The following SRCAP variants were observed in gnomAD, a reference collection of about 807,000 sequenced individuals.
SRCAP encodes chromatin remodeling protein SRCAP.
Under a neutral mutation model 263.1 loss-of-function variants are expected in SRCAP, and 46 were observed. The ratio of observed to expected loss-of-function variants is 0.17; its 90% confidence interval spans 0.14 to 0.22. The LOEUF (loss-of-function observed/expected upper bound fraction) is 0.22, where lower values mean the gene tolerates loss of function less well. SRCAP is among the 10% of genes least tolerant of loss of function. SRCAP has a pLI of 1.00. For missense variants in SRCAP, 3,695 were observed against 4,181.9 expected (o/e 0.88, Z 3.21); for synonymous variants, 1,813 against 1,662.1 (o/e 1.09, Z -2.21).
Position 30,711,751 on chromosome 16 carries a change from A to G in SRCAP, c.1492+7A>G, listed in dbSNP as rs2052894937. ...GATAGTAGCAGTCAGTCAGGTGAATATGTGGTCATGAAGCAGGAGCTGGGG... is the reference window on the plus strand; with the variant it reads ...GATAGTAGCAGTCAGTCAGGTGAATGTGTGGTCATGAAGCAGGAGCTGGGG... On this transcript the variant is annotated splice_region_variant and intron_variant, in intron 11 of 33. Transcript: ENST00000262518. The G allele has an allele frequency of 1.2e-6, 2 of 1,611,548 alleles. No individual in the cohort carries two copies. The highest frequency in any genetic ancestry group is 1.3e-5 in the African/African-American group (1 of 74,830).
chr16:30,717,967 C>T (rs1489286728), intron 18 of SRCAP, among the ~76,000 whole-genome samples: 1 of 150,212 alleles, frequency 6.7e-6, no homozygotes, highest in Admixed American at 6.6e-5. Context: ...CCATGTCGCT[C>T]AGGCTGGTTT....
At position 30,722,761 on chromosome 16, in the gene SRCAP, G is replaced by T. The variant is rs756628026; in HGVS notation, c.3892+13G>T. 1.2e-6 allele frequency: 2 copies of T among 1,603,232 alleles called. No individual in the cohort carries two copies. Among genetic ancestry groups the T allele is most frequent in the African/African-American group, 2.7e-5 (2 of 74,810 alleles). ...GCTGCTAACCAGGGTGAGGCTCCTG[G>T]CCTTCCTACTTAGCCCTTGCTGGCC... On this transcript the variant is annotated intron_variant, in intron 23 of 33. Coordinates refer to ENST00000262518, the MANE Select transcript of SRCAP (RefSeq NM_006662.3).
At chr16:30,730,084 G>A (rs775663662) in intron 27 of SRCAP, among the ~76,000 whole-genome samples, 7 of 152,148 alleles carry the variant, frequency 4.6e-5, no homozygotes, top group Non-Finnish European at 1.0e-4. Flanking sequence ...TGACTTTCAT[G>A]AAAGTTGAAA....
At position 30,711,649 on chromosome 16, in the gene SRCAP, A is replaced by G. The variant is rs765592725; in HGVS notation, c.1397A>G (p.Asp466Gly). ...GGCTCTGGGAGCAGTGAAGATGAGG[A>G]TGAAGATGAGGTTGATGCTAATAGC... ...APGSGSSEDEDEDEVDANSSD... is the reference protein window; with the variant it reads ...APGSGSSEDEGEDEVDANSSD... The change falls in exon 11 of 34, where the codon GAT (aspartate) becomes GGT (glycine). Residue 466 changes from aspartate to glycine, a missense_variant. By Grantham distance (94) the Asp-to-Gly change is moderately conservative (BLOSUM62 -1). Transcript: ENST00000262518. 1.2e-6 allele frequency: 2 copies of G among 1,614,058 alleles called. No homozygotes were observed. Among genetic ancestry groups the G allele is most frequent in the Admixed American group, 1.7e-5 (1 of 59,998 alleles).
At chr16:30,723,376 G>T in intron 24 of SRCAP, 147 bp downstream of exon 24, 2 of 1,427,692 alleles carry the variant, frequency 1.4e-6, no homozygotes, top group Non-Finnish European at 1.9e-6. Flanking sequence ...GGCTGCCTGA[G>T]CCCTGACCTA....
intron 25 of SRCAP, among the ~76,000 whole-genome samples, chr16:30,728,607 C>T (rs1225735875): frequency 6.6e-6 from 1 of 152,108 alleles, no homozygotes; most frequent in African/African-American, 2.4e-5. Flanking sequence ...TTGAGTGTTA[C>T]GTAGGAAAAT....
intron 21 of SRCAP, 82 bp downstream of exon 21, chr16:30,721,558 T>TG: frequency 2.6e-6 from 4 of 1,523,674 alleles, no homozygotes; most frequent in South Asian, 1.2e-5. Flanking sequence ...TTTAGGCAGC[T>TG]GGGTCAGGCA....
chr16:30,729,718 A>T (rs969028344), intron 27 of SRCAP, 146 bp downstream of exon 27: 1 of 882,702 alleles, frequency 1.1e-6, no homozygotes. Flanking sequence ...TATGGGCAAG[A>T]TAGAGAAATG....
At chr16:30,729,633 T>C in intron 27 of SRCAP, 61 bp downstream of exon 27, 1 of 1,581,948 alleles carries the variant, frequency 6.3e-7, no homozygotes, top group Non-Finnish European at 8.7e-7. Flanking sequence ...ATTAAGACTG[T>C]TGTATCAGAG....
chr16:30,703,812 G>T (rs2052795345), intron 3 of SRCAP, among the ~76,000 whole-genome samples: 1 of 152,068 alleles, frequency 6.6e-6, no homozygotes, highest in African/African-American at 2.4e-5. Flanking sequence ...CAGGAGAATG[G>T]CATGAACCCG....
At chr16:30,730,292 G>A (rs2053100907) in intron 27 of SRCAP, among the ~76,000 whole-genome samples, 1 of 151,900 alleles carries the variant, frequency 6.6e-6, no homozygotes, top group African/African-American at 2.4e-5. Context: ...GGACCTTTTT[G>A]TGTTGACTAG....
Position 30,710,831 on chromosome 16 carries a change from T to A in SRCAP, c.1212T>A (p.Thr404=). The A allele has an allele frequency of 6.2e-7, 1 of 1,614,224 alleles. No homozygotes were observed. Among genetic ancestry groups the A allele is most frequent in the Non-Finnish European group, 8.5e-7 (1 of 1,180,034 alleles). The change falls in exon 9 of 34, where the codon ACT becomes ACA. Residue 404 remains threonine (T), a synonymous_variant. Coordinates refer to ENST00000262518, the MANE Select transcript of SRCAP (RefSeq NM_006662.3). ...CAGATGAAGATGATGAAGAGTTTAC[T>A]GCCAACGAAGAGGAAGGTCAGGGCT... ...WHPDEDDEEF[T]ANEEEAEDEE...
chr16:30,720,001 C>T lies in SRCAP; in HGVS notation c.2818-161C>T, dbSNP rs551214168. Among the ~76,000 whole-genome samples the T allele has an allele frequency of 7.2e-5, 11 of 152,306 alleles. No individual in the cohort carries two copies. In the East Asian group the frequency reaches 1.7e-3, roughly 24 times the overall value. ...TATTGTTCTCATCTTCATGTCCATG[C>T]GTACCCAATGTTTAGCTCCCACTTG... On this transcript the variant is annotated intron_variant, in intron 18 of 33. Coordinates refer to ENST00000262518, the MANE Select transcript of SRCAP (RefSeq NM_006662.3).
intron 26 of SRCAP, 34 bp downstream of exon 26, chr16:30,729,265 C>T (rs768501777): frequency 6.3e-7 from 1 of 1,597,214 alleles, no homozygotes; most frequent in Non-Finnish European, 8.5e-7. Flanking sequence ...GGGAGTGGGT[C>T]TTGGGGCCTC....
intron 25 of SRCAP, among the ~76,000 whole-genome samples, chr16:30,726,977 T>C (rs2053070495): frequency 6.6e-6 from 1 of 152,138 alleles, no homozygotes; most frequent in Non-Finnish European, 1.5e-5. Flanking sequence ...GCTGGGATTA[T>C]AGACATGAGC....
At chr16:30,703,924 G>A (rs1421104463) in intron 3 of SRCAP, 140 bp from the exon 4 acceptor site, 6 of 1,047,968 alleles carry the variant, frequency 5.7e-6, no homozygotes, top group East Asian at 2.7e-5. Flanking sequence ...ACTTTATCCC[G>A]AACGTTTGTG....
At chr16:30,735,097 G>GT (rs1458907143) in intron 31 of SRCAP, among the ~76,000 whole-genome samples, 9 of 148,794 alleles carry the variant, frequency 6.0e-5, no homozygotes, top group Non-Finnish European at 1.3e-4. Context: ...TTTATTATGT[G>GT]TAAGTATTTG....
At chr16:30,713,400 A>C in intron 15 of SRCAP, 23 bp downstream of exon 15, 1 of 1,613,838 alleles carries the variant, frequency 6.2e-7, no homozygotes, top group Non-Finnish European at 8.5e-7. Flanking sequence ...ATGGGGATTC[A>C]TGGGAGGGTT....
At chr16:30,725,331 T>TC in intron 25 of SRCAP, 1 of 600,040 alleles carries the variant, frequency 1.7e-6, no homozygotes, top group Non-Finnish European at 2.6e-6. Context: ...TCTTTTCCCG[T>TC]TTTTTAACCC....
Sources: gnomAD v4.1 joint callset for allele counts (sites outside exome capture counted in the v4.1 genomes callset) on GRCh38, gnomAD v4.1.1 for gene constraint, MANE v1.5 for transcripts, NCBI Gene and HGNC (gene_info 2026-07-23, HGNC 2026-07-21) for gene names.